PTPRA: variants seen among roughly 807,000 people sequenced by gnomAD.
PTPRA encodes receptor-type tyrosine-protein phosphatase alpha.
A neutral mutation model predicts 104.8 loss-of-function variants in PTPRA; 25 were observed. The ratio of observed to expected loss-of-function variants is 0.24; its 90% confidence interval spans 0.17 to 0.33. PTPRA has a LOEUF of 0.33. Among genes scored for constraint, PTPRA ranks in the 10% least tolerant of loss-of-function variants. The pLI, the probability that PTPRA is intolerant of heterozygous loss-of-function variation, is 1.00. For synonymous variants in PTPRA, 323 were observed against 368.9 expected (o/e 0.88, Z 1.43); for missense variants, 765 against 1,015.3 (o/e 0.75, Z 3.35).
At chr20:2,970,926 T>A (rs1029363371) in intron 5 of PTPRA, among the ~76,000 whole-genome samples, 3 of 152,190 alleles carry the variant, frequency 2.0e-5, no homozygotes, top group Middle Eastern at 3.2e-3. Context: ...CTTAATAATT[T>A]ATTTTTCCTC....
chr20:2,959,528 T>G (rs2061669358), intron 3 of PTPRA, among the ~76,000 whole-genome samples: 1 of 152,240 alleles, frequency 6.6e-6, no homozygotes, highest in South Asian at 2.1e-4. Context: ...CTTGTTTCAA[T>G]TATTTATGAC....
chr20:2,922,598 T>TC (rs2060136528), intron 1 of PTPRA, among the ~76,000 whole-genome samples: 1 of 152,080 alleles, frequency 6.6e-6, no homozygotes, highest in African/African-American at 2.4e-5. Context: ...TGCCTCGGCC[T>TC]CCCAAAGTGC....
intron 22 of PTPRA, among the ~76,000 whole-genome samples, 156 bp from the exon 23 acceptor site, chr20:3,036,998 G>A (rs945011704): frequency 6.6e-6 from 1 of 152,188 alleles, no homozygotes; most frequent in Non-Finnish European, 1.5e-5. Flanking sequence ...AGGGTACACT[G>A]CCTCCCGACC....
chr20:2,989,200 T>A (rs1490595036), intron 9 of PTPRA, among the ~76,000 whole-genome samples: 1 of 151,902 alleles, frequency 6.6e-6, no homozygotes, highest in African/African-American at 2.4e-5. Flanking sequence ...TTTGGGAGGC[T>A]GAGGCGGGCA....
At chr20:2,886,883 A>AT (rs1455665852) in intron 1 of PTPRA, among the ~76,000 whole-genome samples, 1 of 126,726 alleles carries the variant, frequency 7.9e-6, no homozygotes, top group African/African-American at 2.6e-5. Context: ...AAGAAAAAAA[A>AT]GAAAAAGAAA....
intron 1 of PTPRA, among the ~76,000 whole-genome samples, chr20:2,880,321 G>A (rs936587908): frequency 6.6e-6 from 1 of 152,132 alleles, no homozygotes; most frequent in Admixed American, 6.5e-5. Flanking sequence ...ATTGTCTCTG[G>A]CATCTTCTTG....
chr20:2,985,567 C>T (rs1394185821), intron 6 of PTPRA, among the ~76,000 whole-genome samples: 1 of 152,054 alleles, frequency 6.6e-6, no homozygotes, highest in East Asian at 1.9e-4. Context: ...GCCTGGCCAG[C>T]TGCATGAGAA....
intron 1 of PTPRA, among the ~76,000 whole-genome samples, chr20:2,882,257 A>G (rs2146840228): frequency 6.6e-6 from 1 of 151,760 alleles, no homozygotes; most frequent in Middle Eastern, 3.4e-3. Context: ...ATGTCTCAGT[A>G]TCGCTAGATA....
At chr20:3,011,807 G>A (rs2064182848) in intron 11 of PTPRA, among the ~76,000 whole-genome samples, 1 of 152,192 alleles carries the variant, frequency 6.6e-6, no homozygotes. Flanking sequence ...CTGGGGAAGA[G>A]CCAGTGAGCC....
chr20:3,002,619 G>A (rs538782497), intron 9 of PTPRA, among the ~76,000 whole-genome samples: 15 of 152,166 alleles, frequency 9.9e-5, no homozygotes, highest in Non-Finnish European at 1.6e-4. Flanking sequence ...GAGCCACCGC[G>A]CCTGGCCCAA....
intron 2 of PTPRA, among the ~76,000 whole-genome samples, chr20:2,923,755 C>T (rs1165260647): frequency 3.3e-5 from 5 of 152,038 alleles, no homozygotes; most frequent in Admixed American, 3.3e-4. Context: ...GCTGAGATCG[C>T]ACACTGCATT....
chr20:2,989,122 A>G (rs1201615970), intron 9 of PTPRA, among the ~76,000 whole-genome samples: 1 of 152,148 alleles, frequency 6.6e-6, no homozygotes, highest in African/African-American at 2.4e-5. Flanking sequence ...ATCCTAGCCT[A>G]CCAGTTCTGA....
At chr20:2,974,326 T>G (rs2062330141) in intron 5 of PTPRA, among the ~76,000 whole-genome samples, 1 of 152,016 alleles carries the variant, frequency 6.6e-6, no homozygotes, top group Admixed American at 6.6e-5. Flanking sequence ...CTTGGGTCAC[T>G]GCAACCTCTA....
At chr20:2,952,134 A>AG (rs2061375289) in intron 3 of PTPRA, among the ~76,000 whole-genome samples, 1 of 151,914 alleles carries the variant, frequency 6.6e-6, no homozygotes, top group African/African-American at 2.4e-5. Context: ...AAGAAAAAAA[A>AG]AAAACTGTCA....
At chr20:3,018,420 ATGACTCTT>A (rs2064585068) in intron 13 of PTPRA, among the ~76,000 whole-genome samples, 1 of 151,226 alleles carries the variant, frequency 6.6e-6, no homozygotes, top group Non-Finnish European at 1.5e-5. Flanking sequence ...GGGAGTGGTG[ATGACTCTT>A]AACGAGCCTG....
chr20:2,887,516 G>A (rs2090453061), intron 1 of PTPRA, among the ~76,000 whole-genome samples: 1 of 152,134 alleles, frequency 6.6e-6, no homozygotes, highest in African/African-American at 2.4e-5. Context: ...AGCAGTAGAG[G>A]CATTAGGGTT....
chr20:2,918,574 G>T (rs117858780), intron 1 of PTPRA, among the ~76,000 whole-genome samples: 2,214 of 152,154 alleles, frequency 0.015, 117 homozygotes, highest in Admixed American at 0.09. Flanking sequence ...GGGGTAGGAG[G>T]GTCTGCCATA....
chr20:2,905,403 A>G (rs1452928714), intron 1 of PTPRA, among the ~76,000 whole-genome samples: 1 of 152,218 alleles, frequency 6.6e-6, no homozygotes, highest in Admixed American at 6.5e-5. Context: ...TCTCTAGCAC[A>G]TCTTGCCTTC....
chr20:2,953,061 A>G (rs1156900960), intron 3 of PTPRA, among the ~76,000 whole-genome samples: 2 of 152,226 alleles, frequency 1.3e-5, no homozygotes, highest in South Asian at 2.1e-4. Context: ...TCTTTTGAGT[A>G]TGTTCCCAAA....
Sources: gnomAD v4.1 joint callset for allele counts (sites outside exome capture counted in the v4.1 genomes callset) on GRCh38, gnomAD v4.1.1 for gene constraint, MANE v1.5 for transcripts, NCBI Gene and HGNC (gene_info 2026-07-23, HGNC 2026-07-21) for gene names.